ATP8B4: variants seen among roughly 807,000 people sequenced by gnomAD.
ATP8B4 encodes the protein probable phospholipid-transporting ATPase IM.
Under a neutral mutation model 145.6 loss-of-function variants are expected in ATP8B4, and 133 were observed. The ratio of observed to expected loss-of-function variants is 0.91; its 90% CI spans 0.79 to 1.05. ATP8B4 has a LOEUF of 1.05. Ranked by LOEUF, ATP8B4 falls within the 50% of genes least tolerant of loss-of-function variation. The pLI, the probability that ATP8B4 is intolerant of heterozygous loss-of-function variation, is 0.00. For missense variants in ATP8B4, 1,458 were observed against 1,425.2 expected, an observed-to-expected ratio of 1.02 and a Z score of -0.37; for synonymous variants, 507 against 492.9, an observed-to-expected ratio of 1.03 and a Z score of -0.38.
intron 9 of ATP8B4, among the ~76,000 whole-genome samples, chr15:49,995,486 C>G (rs1317775679): frequency 6.6e-6 from 1 of 152,112 alleles, no homozygotes; most frequent in Non-Finnish European, 1.5e-5. Flanking sequence ...TACTCTCTGA[C>G]TTCAATCTCA....
rs796843582 is a variant in ATP8B4, at chr15:50,087,352, A to ATTTATATATAATAGATATACATCTATATC, written c.29-13168_29-13167insGATATAGATGTATATCTATTATATATAAA. On this transcript the variant is annotated intron_variant, in intron 2 of 27. Transcript: ENST00000284509. ...ATATTTATATATAATATAGATCTAT[A>ATTTATATATAATAGATATACATCTATATC]TATTATATATAATAAAATAATATAT... is the stretch of plus-strand genomic sequence containing the variant. Among the ~76,000 whole-genome samples the ATTTATATATAATAGATATACATCTATATC allele has an allele frequency of 8.6e-3, 926 of 108,140 alleles. 17 individuals carry two copies. Among genetic ancestry groups the ATTTATATATAATAGATATACATCTATATC allele is most frequent in the African/African-American group, 0.035 (894 of 25,494 alleles). The allele number at this position is 108,140 out of a possible 152,430, so 70.9% of individuals were successfully genotyped here. A position where few individuals can be genotyped will look rare whatever the true frequency, so the allele number is the denominator to read the frequency against.
chr15:50,176,016 G>GTATA, intron 1 of ATP8B4, among the ~76,000 whole-genome samples: 1 of 150,860 alleles, frequency 6.6e-6, no homozygotes, highest in Non-Finnish European at 1.5e-5. Context: ...ATGTATCGCA[G>GTATA]TATATATATA....
intron 1 of ATP8B4, among the ~76,000 whole-genome samples, chr15:50,179,748 T>A (rs772224489): frequency 2.0e-5 from 3 of 152,196 alleles, no homozygotes; most frequent in Non-Finnish European, 4.4e-5. Context: ...GAAGGCACCA[T>A]CTGTGAGAAA....
chr15:49,872,833 T>C (rs1052200584), intron 25 of ATP8B4, among the ~76,000 whole-genome samples: 3 of 152,102 alleles, frequency 2.0e-5, no homozygotes, highest in Admixed American at 6.6e-5. Context: ...GGGTAATTAA[T>C]GGAAAAACTG....
intron 11 of ATP8B4, 99 bp from the exon 12 acceptor site, chr15:49,979,912 T>A: frequency 3.5e-6 from 3 of 845,626 alleles, no homozygotes; most frequent in Non-Finnish European, 5.3e-6. Context: ...AATAGTCATT[T>A]GAAAAGCAAG....
intron 24 of ATP8B4, 123 bp from the exon 25 acceptor site, chr15:49,876,646 G>C (rs1390046521): frequency 1.6e-6 from 2 of 1,281,492 alleles, no homozygotes; most frequent in East Asian, 4.8e-5. Flanking sequence ...TACTCACTGG[G>C]CCAGAACAGG....
chr15:50,077,009 C>T (rs1161995839), intron 2 of ATP8B4, among the ~76,000 whole-genome samples: 1 of 152,158 alleles, frequency 6.6e-6, no homozygotes, highest in Non-Finnish European at 1.5e-5. Flanking sequence ...ATAACTATTC[C>T]CATTGAGAAC....
chr15:50,060,049 G>A (rs1283698205), intron 3 of ATP8B4, among the ~76,000 whole-genome samples: 2 of 152,156 alleles, frequency 1.3e-5, no homozygotes, highest in Non-Finnish European at 2.9e-5. Context: ...CCCTCAGTAA[G>A]GAAACTGAAA....
intron 25 of ATP8B4, among the ~76,000 whole-genome samples, chr15:49,869,257 A>C (rs2153383016): frequency 6.9e-6 from 1 of 144,648 alleles, no homozygotes; most frequent in African/African-American, 2.4e-5. Flanking sequence ...ACAAGTATGA[A>C]AAAGTTAAAA....
Position 49,901,076 on chromosome 15 carries a change from C to G in ATP8B4, c.2289+16G>C, listed in dbSNP as rs1439355760. On this transcript the variant is annotated intron_variant, in intron 21 of 27. Coordinates refer to ENST00000284509, the MANE Select transcript of ATP8B4 (RefSeq NM_024837.4). ...AGTGAAGAAAAAGAAAGGACAAAAA[C>G]CTTAGGCAAACTCACCAAACTGTGG... 6.2e-7 allele frequency: 1 copy of G among 1,609,134 alleles called. No homozygotes were observed. Among genetic ancestry groups the G allele is most frequent in the Admixed American group, 1.7e-5 (1 of 59,520 alleles).
chr15:50,170,103 A>G (rs2044649751), intron 1 of ATP8B4, among the ~76,000 whole-genome samples: 1 of 152,188 alleles, frequency 6.6e-6, no homozygotes, highest in South Asian at 2.1e-4. Context: ...TGGAAAATAT[A>G]TTTGGGGGAA....
chr15:50,145,870 A>G (rs1004867465), intron 1 of ATP8B4, among the ~76,000 whole-genome samples: 1 of 152,210 alleles, frequency 6.6e-6, no homozygotes, highest in African/African-American at 2.4e-5. Context: ...GCAAAAAAAG[A>G]AATGCAGAAA....
At chr15:49,974,260 T>G (rs1016936241) in intron 12 of ATP8B4, among the ~76,000 whole-genome samples, 2 of 152,020 alleles carry the variant, frequency 1.3e-5, no homozygotes, top group African/African-American at 4.8e-5. Flanking sequence ...TTTTTGTATT[T>G]TTAGTAGAGA....
chr15:50,034,444 G>A (rs1242252796), intron 6 of ATP8B4, among the ~76,000 whole-genome samples: 2 of 151,984 alleles, frequency 1.3e-5, no homozygotes, highest in Non-Finnish European at 2.9e-5. Flanking sequence ...TGGTCAAGCT[G>A]GTCTCAAACT....
At chr15:49,948,582 T>C (rs1485712238) in intron 14 of ATP8B4, among the ~76,000 whole-genome samples, 1 of 152,240 alleles carries the variant, frequency 6.6e-6, no homozygotes, top group Non-Finnish European at 1.5e-5. Flanking sequence ...ATATGTTTGT[T>C]AGCCATGTAA....
chr15:49,938,448 A>G (rs915427402), intron 14 of ATP8B4, among the ~76,000 whole-genome samples: 1 of 152,180 alleles, frequency 6.6e-6, no homozygotes, highest in African/African-American at 2.4e-5. Context: ...GAAAAGACCA[A>G]GGATCACTAT....
At chr15:50,104,537 C>T (rs1487763343) in intron 2 of ATP8B4, among the ~76,000 whole-genome samples, 1 of 152,026 alleles carries the variant, frequency 6.6e-6, no homozygotes, top group Non-Finnish European at 1.5e-5. Flanking sequence ...TGTGATACCA[C>T]CTCCCTGCTG....
intron 1 of ATP8B4, among the ~76,000 whole-genome samples, chr15:50,164,716 T>C (rs2044570612): frequency 6.6e-6 from 1 of 152,222 alleles, no homozygotes; most frequent in African/African-American, 2.4e-5. Context: ...CCTTTCAAGT[T>C]TATTTAGGAC....
chr15:50,174,376 A>T lies in ATP8B4; in HGVS notation c.-43+7885T>A, dbSNP rs953007375. ...ACTGTCACTGTTTGCTGACGATAGGATCATTTACCTTGAAAACACTAAGGA... is the reference window on the plus strand; with the variant it reads ...ACTGTCACTGTTTGCTGACGATAGGTTCATTTACCTTGAAAACACTAAGGA... On this transcript the variant is annotated intron_variant, in intron 1 of 3. Coordinates refer to the ATP8B4 transcript ENST00000558829. 2.6e-5 allele frequency among the ~76,000 whole-genome samples: 4 copies of T among 152,210 alleles called. 1 individual carries two copies. The South Asian group carries it at 8.3e-4, about 32-fold the overall frequency.
Sources: allele counts gnomAD v4.1 joint callset (sites outside exome capture counted in the v4.1 genomes callset), GRCh38; gene constraint gnomAD v4.1.1; transcripts MANE v1.5; gene names NCBI Gene and HGNC (gene_info 2026-07-23, HGNC 2026-07-21).